Variants in FGF13 observed in about 807,000 individuals in gnomAD.
FGF13 encodes the protein fibroblast growth factor 13.
A neutral mutation model predicts 19.5 loss-of-function variants in FGF13; 2 were observed. The ratio of observed to expected loss-of-function variants is 0.10; its 90% CI spans 0.04 to 0.32. The LOEUF is 0.32. Among genes scored for constraint, FGF13 ranks in the 10% least tolerant of loss-of-function variants. FGF13 has a pLI of 1.00. For synonymous variants in FGF13, 72 were observed against 76.9 expected (o/e 0.94, Z 0.33); for missense variants, 113 against 192.7 (o/e 0.59, Z 2.45).
chrX:138,739,999 TTACACCA>T (rs1375740690), upstream of FGF13, among the ~76,000 whole-genome samples: 2 of 112,222 alleles, frequency 1.8e-5, no homozygotes, highest in Admixed American at 9.5e-5. Flanking sequence ...TATTTTAGCA[TTACACCA>T]TACTCGTTAC....
intron 3 of FGF13, among the ~76,000 whole-genome samples, chrX:138,829,376 T>A (rs1044122050): frequency 9.0e-6 from 1 of 110,767 alleles, no homozygotes; most frequent in South Asian, 3.9e-4. Flanking sequence ...GAGAGCTGGT[T>A]GTTATAAATA....
intron 1 of FGF13, among the ~76,000 whole-genome samples, chrX:139,014,760 T>A (rs2092145902): frequency 9.0e-6 from 1 of 111,064 alleles, no homozygotes; most frequent in African/African-American, 3.3e-5. Context: ...CAAAGATACA[T>A]CAAAAAATGA....
chrX:138,804,163 T>C (rs1407294721), intron 3 of FGF13, among the ~76,000 whole-genome samples: 1 of 111,693 alleles, frequency 9.0e-6, no homozygotes, highest in Non-Finnish European at 1.9e-5. Context: ...ATTTTCTTTT[T>C]CATTCACTTA....
At chrX:138,931,715 CAAG>C (rs1387737326) in intron 1 of FGF13, among the ~76,000 whole-genome samples, 1 of 111,351 alleles carries the variant, frequency 9.0e-6, no homozygotes, top group Non-Finnish European at 1.9e-5. Context: ...TAGTTTTATC[CAAG>C]AATATGGAGA....
At chrX:138,960,611 C>T (rs1333114240) in intron 1 of FGF13, among the ~76,000 whole-genome samples, 1 of 112,039 alleles carries the variant, frequency 8.9e-6, no homozygotes, top group Non-Finnish European at 1.9e-5. Context: ...TGTTTTCCAA[C>T]TTCGTTCCAT....
chrX:138,683,852 C>T (rs2089753536), intron 3 of FGF13, among the ~76,000 whole-genome samples: 1 of 111,436 alleles, frequency 9.0e-6, no homozygotes, highest in Non-Finnish European at 1.9e-5. Flanking sequence ...AAGAGTCATC[C>T]TTTATTGGTC....
intron 3 of FGF13, among the ~76,000 whole-genome samples, chrX:138,807,482 CA>C (rs1364561634): frequency 8.9e-6 from 1 of 111,853 alleles, no homozygotes. Context: ...CCAGCCACTG[CA>C]AAAACATGCC....
At chrX:139,182,801 C>T (rs977800283) in intron 1 of FGF13, among the ~76,000 whole-genome samples, 1 of 111,918 alleles carries the variant, frequency 8.9e-6, no homozygotes, top group Non-Finnish European at 1.9e-5. Flanking sequence ...TAGGGAAAAG[C>T]AAGTCCATTC....
chrX:138,852,120 T>C (rs1352026974), intron 3 of FGF13, among the ~76,000 whole-genome samples: 2 of 111,611 alleles, frequency 1.8e-5, no homozygotes, highest in African/African-American at 6.5e-5. Context: ...AAAATAAATA[T>C]GTTTAAAATG....
intron 1 of FGF13, among the ~76,000 whole-genome samples, chrX:138,718,724 C>T (rs2090127360): frequency 8.9e-6 from 1 of 111,818 alleles, no homozygotes; most frequent in African/African-American, 3.3e-5. Flanking sequence ...AGAGAAAATA[C>T]TATCCTCCAT....
chrX:139,117,631 A>T (rs2083648599), intron 1 of FGF13, among the ~76,000 whole-genome samples: 1 of 111,662 alleles, frequency 9.0e-6, no homozygotes, highest in Non-Finnish European at 1.9e-5. Flanking sequence ...TACTATCCAG[A>T]AATACATATC....
rs185277422 is a variant in FGF13, at chrX:138,909,795, T to A, written c.-112-45145A>T. Reference sequence around the variant, plus strand: ...CCATTTCACAGCATGTTTATGAGGATTAAACTAGGACATTTTTCCAAAGTG... The same window carrying A: ...CCATTTCACAGCATGTTTATGAGGAATAAACTAGGACATTTTTCCAAAGTG... On this transcript the variant is annotated intron_variant, in intron 1 of 2. Coordinates refer to the FGF13 transcript ENST00000421460. 1.0e-3 allele frequency among the ~76,000 whole-genome samples: 112 copies of A among 111,894 alleles called. 1 individual carries two copies. Among genetic ancestry groups the A allele is most frequent in the Non-Finnish European group, 1.8e-3 (98 of 53,207 alleles).
intron 2 of FGF13, among the ~76,000 whole-genome samples, chrX:138,861,664 T>C (rs1267002247): frequency 8.9e-6 from 1 of 112,257 alleles, no homozygotes; most frequent in Non-Finnish European, 1.9e-5. Context: ...TGAAAAAGCC[T>C]ATCATGTAGC....
chrX:139,174,913 T>C (rs1481515646), intron 1 of FGF13, among the ~76,000 whole-genome samples: 1 of 111,916 alleles, frequency 8.9e-6, no homozygotes, highest in Admixed American at 9.5e-5. Flanking sequence ...TTTAAAGTAG[T>C]TTTTTCTAAT....
At chrX:139,176,840 G>A (rs769537236) in intron 1 of FGF13, among the ~76,000 whole-genome samples, 21 of 111,144 alleles carry the variant, frequency 1.9e-4, no homozygotes, top group African/African-American at 6.6e-4. Context: ...TTATGTGATC[G>A]ATTTTAGAAT....
intron 1 of FGF13, among the ~76,000 whole-genome samples, chrX:138,878,147 TTTTTAA>T (rs1004064307): frequency 4.5e-5 from 5 of 111,460 alleles, no homozygotes; most frequent in African/African-American, 1.6e-4. Context: ...TCTCATTTTT[TTTTTAA>T]TTTTATTATC....
At chrX:138,744,944 A>G (rs189753029) in intron 3 of FGF13, among the ~76,000 whole-genome samples, 55 of 112,063 alleles carry the variant, frequency 4.9e-4, no homozygotes, top group African/African-American at 1.7e-3. Flanking sequence ...TGTGCTGCCC[A>G]TCATGGTTTC....
chrX:138,633,111 A>G (rs2089139896), intron 4 of FGF13, 125 bp from the exon 5 acceptor site: 3 of 650,144 alleles, frequency 4.6e-6, no homozygotes, highest in Admixed American at 4.2e-5. Flanking sequence ...GAGGTAATGC[A>G]TATGTTAATT....
intron 3 of FGF13, among the ~76,000 whole-genome samples, chrX:138,822,245 T>A (rs2091004296): frequency 8.9e-6 from 1 of 112,295 alleles, no homozygotes; most frequent in African/African-American, 3.2e-5. Context: ...TACCTTTACA[T>A]TGTTGCACAT....
Sources: allele counts gnomAD v4.1 joint callset (sites outside exome capture counted in the v4.1 genomes callset), GRCh38; gene constraint gnomAD v4.1.1; transcripts MANE v1.5; gene names NCBI Gene and HGNC (gene_info 2026-07-23, HGNC 2026-07-21).